Variants in NFKB1 observed in about 807,000 individuals in gnomAD.
NFKB1 encodes nuclear factor kappa B subunit 1.
NFKB1 carries 9 observed loss-of-function variants against 105.1 expected under a neutral mutation model. The observed-to-expected ratio is 0.09, with a 90% CI of 0.05 to 0.15. The LOEUF (loss-of-function observed/expected upper bound fraction) is 0.15, where lower values mean the gene tolerates loss of function less well. Among genes scored for constraint, NFKB1 ranks in the 10% least tolerant of loss-of-function variants. The probability of loss-of-function intolerance (pLI) is 1.00; values close to 1 mark genes in which losing one functional copy is unlikely to be tolerated. For synonymous variants in NFKB1, 440 were observed against 442.2 expected (o/e 1.00, Z 0.06); for missense variants, 830 against 1,203.7 (o/e 0.69, Z 4.59).
intron 1 of NFKB1, among the ~76,000 whole-genome samples, chr4:102,519,533 T>A (rs1740432569): frequency 6.6e-6 from 1 of 151,884 alleles, no homozygotes; most frequent in African/African-American, 2.4e-5. Flanking sequence ...GAGTTAACAT[T>A]GTTTGGTATT....
rs754187388 is a variant in NFKB1, at chr4:102,502,390, GCACACACACACACACACA to G, written c.-8+622_-8+639del. ...CCCCCCTCCGTGCGCGCGCGCGCGC[GCACACACACACACACACA>G]CACACACACACACACACACGATATA... On this transcript the variant is annotated intron_variant, in intron 1 of 23. Transcript: ENST00000226574. Among the ~76,000 whole-genome samples, 9 of 105,396 alleles carry G rather than the reference GCACACACACACACACACA, an allele frequency of 8.5e-5. No individual in the cohort carries two copies. The South Asian group carries it at 2.6e-3, about 30-fold the overall frequency. The allele number at this position is 105,396 out of a possible 152,430, so 69.1% of individuals were successfully genotyped here.
At chr4:102,526,446 C>T in intron 2 of NFKB1, among the ~76,000 whole-genome samples, 1 of 152,050 alleles carries the variant, frequency 6.6e-6, no homozygotes, top group Non-Finnish European at 1.5e-5. Flanking sequence ...CCTGTTTTGA[C>T]TACTATACAA....
At chr4:102,525,673 T>C (rs942678850) in intron 2 of NFKB1, 116 bp downstream of exon 2, 1 of 927,406 alleles carries the variant, frequency 1.1e-6, no homozygotes, top group Non-Finnish European at 1.6e-6. Context: ...TAAATTTTTT[T>C]TTAATTTCAG....
At chr4:102,554,995 AG>A (rs931025178) in intron 5 of NFKB1, among the ~76,000 whole-genome samples, 3 of 152,194 alleles carry the variant, frequency 2.0e-5, no homozygotes, top group Admixed American at 6.5e-5. Context: ...AGGGAGTACA[AG>A]GGCTTCAAAA....
chr4:102,573,075 G>A (rs1489995907), intron 6 of NFKB1, among the ~76,000 whole-genome samples: 2 of 152,128 alleles, frequency 1.3e-5, no homozygotes, highest in South Asian at 2.1e-4. Context: ...TTGGAAGGCC[G>A]AGGCGGGCAG....
intron 23 of NFKB1, 151 bp downstream of exon 23, chr4:102,613,732 G>C (rs756574405): frequency 1.9e-5 from 17 of 918,820 alleles, no homozygotes; most frequent in Admixed American, 2.8e-5. Context: ...CTCACCCTCT[G>C]CCTCTCTTGA....
At position 102,593,994 on chromosome 4, in the gene NFKB1, AACT is replaced by A. The variant is rs4648053; in HGVS notation, c.1210+434_1210+436del. ...TACATAAAATCTGCCATCAAAGGTT[AACT>A]ACTACTATTTTTATGTATATGTTAT... On this transcript the variant is annotated intron_variant, in intron 12 of 23. Transcript: ENST00000226574. Among the ~76,000 whole-genome samples the A allele has an allele frequency of 7.3e-3, 1,117 of 152,336 alleles. 16 individuals are homozygous for A. Among genetic ancestry groups the A allele is most frequent in the African/African-American group, 0.026 (1,081 of 41,572 alleles).
chr4:102,565,748 C>T (rs1723812995), intron 5 of NFKB1, among the ~76,000 whole-genome samples: 1 of 151,882 alleles, frequency 6.6e-6, no homozygotes, highest in Non-Finnish European at 1.5e-5. Context: ...TTCTTTTTCT[C>T]TCTGTCTCTC....
intron 23 of NFKB1, among the ~76,000 whole-genome samples, chr4:102,614,725 C>A (rs1214527693): frequency 1.3e-5 from 2 of 152,074 alleles, no homozygotes; most frequent in African/African-American, 4.8e-5. Flanking sequence ...CTACCTTCAA[C>A]TTCAGACCGT....
chr4:102,501,824 G>C (rs937443143), intron 1 of NFKB1, 36 bp downstream of exon 1: 1 of 152,538 alleles, frequency 6.6e-6, no homozygotes, highest in African/African-American at 2.4e-5. Context: ...GCCCGGCAGG[G>C]GACGCGTGGC....
chr4:102,568,978 A>G (rs1314850635), intron 6 of NFKB1, among the ~76,000 whole-genome samples: 2 of 152,138 alleles, frequency 1.3e-5, no homozygotes, highest in Non-Finnish European at 2.9e-5. Flanking sequence ...AAATTTAATC[A>G]AGATGCCACT....
At chr4:102,608,872 G>C (rs185923984) in intron 19 of NFKB1, among the ~76,000 whole-genome samples, 3 of 152,114 alleles carry the variant, frequency 2.0e-5, no homozygotes, top group Non-Finnish European at 4.4e-5. Flanking sequence ...GCTATAACCA[G>C]CCAGACGTGA....
chr4:102,557,804 G>A (rs754005136), intron 5 of NFKB1, among the ~76,000 whole-genome samples: 3 of 152,206 alleles, frequency 2.0e-5, no homozygotes, highest in East Asian at 1.9e-4. Context: ...CTTAGTTTTC[G>A]AAGGATGATT....
chr4:102,564,923 A>C (rs1430518384), intron 5 of NFKB1, among the ~76,000 whole-genome samples: 1 of 152,230 alleles, frequency 6.6e-6, no homozygotes, highest in Non-Finnish European at 1.5e-5. Flanking sequence ...ATTGCTGAAG[A>C]AGCCCCTGTG....
At chr4:102,605,031 A>G (rs868833431) in intron 16 of NFKB1, among the ~76,000 whole-genome samples, 37 of 152,062 alleles carry the variant, frequency 2.4e-4, no homozygotes, top group South Asian at 6.2e-4. Flanking sequence ...CAAGCTACAG[A>G]TAATTTATAA....
At chr4:102,566,898 C>G (rs1315925743) in intron 5 of NFKB1, 89 bp from the exon 6 acceptor site, 2 of 1,389,350 alleles carry the variant, frequency 1.4e-6, no homozygotes, top group African/African-American at 2.9e-5. Context: ...TTATATTGTA[C>G]TTTTTATACT....
intron 4 of NFKB1, among the ~76,000 whole-genome samples, chr4:102,534,813 A>G (rs1741536976): frequency 6.6e-6 from 1 of 152,166 alleles, no homozygotes; most frequent in Non-Finnish European, 1.5e-5. Context: ...ACACTTTTGC[A>G]TTTTGTAACA....
chr4:102,553,016 A>G (rs1722731510), intron 5 of NFKB1, among the ~76,000 whole-genome samples: 1 of 152,184 alleles, frequency 6.6e-6, no homozygotes, highest in Non-Finnish European at 1.5e-5. Flanking sequence ...TCCCAGTTCT[A>G]CTCACTTGTA....
intron 5 of NFKB1, among the ~76,000 whole-genome samples, chr4:102,561,031 A>T (rs1239207445): frequency 6.6e-6 from 1 of 152,184 alleles, no homozygotes; most frequent in African/African-American, 2.4e-5. Flanking sequence ...CACTGACTAG[A>T]TCAACTTGAA....
Sources: gnomAD v4.1 joint callset for allele counts (sites outside exome capture counted in the v4.1 genomes callset) on GRCh38, gnomAD v4.1.1 for gene constraint, MANE v1.5 for transcripts, NCBI Gene and HGNC (gene_info 2026-07-23, HGNC 2026-07-21) for gene names.